The following TMEM132D variants were observed in gnomAD, a reference collection of about 807,000 sequenced individuals.
TMEM132D encodes the protein transmembrane protein 132D.
Under a neutral mutation model 62.3 loss-of-function variants are expected in TMEM132D, and 21 were observed. The observed-to-expected ratio is 0.34, with a 90% CI of 0.24 to 0.49. The LOEUF is 0.49. Among genes scored for constraint, TMEM132D ranks in the 20% least tolerant of loss-of-function variants. TMEM132D has a pLI of 0.99. For synonymous variants in TMEM132D, 621 were observed against 575.6 expected (o/e 1.08, Z -1.13); for missense variants, 1,346 against 1,402.8 (o/e 0.96, Z 0.65).
chr12:129,146,594 A>G (rs1876905798), intron 5 of TMEM132D, among the ~76,000 whole-genome samples: 1 of 152,146 alleles, frequency 6.6e-6, no homozygotes, highest in African/African-American at 2.4e-5. Flanking sequence ...CTGGTCACAC[A>G]TTACCTGTCC....
chr12:129,285,535 A>AAAAAAAAAAAAAAAAAG (rs1422701554), intron 4 of TMEM132D, among the ~76,000 whole-genome samples: 3 of 128,964 alleles, frequency 2.3e-5, no homozygotes, highest in Non-Finnish European at 5.1e-5. Flanking sequence ...TCAAAAAAAA[A>AAAAAAAAAAAAAAAAAG]AAAAAGAGAG....
intron 3 of TMEM132D, among the ~76,000 whole-genome samples, chr12:129,442,867 G>A (rs575505280): frequency 2.0e-5 from 3 of 152,236 alleles, no homozygotes; most frequent in South Asian, 4.2e-4. Context: ...TGTTTTGGAC[G>A]CCATGGTGTG....
chr12:129,099,136 A>G (rs1443865738), intron 5 of TMEM132D, among the ~76,000 whole-genome samples: 1 of 152,154 alleles, frequency 6.6e-6, no homozygotes, highest in Non-Finnish European at 1.5e-5. Context: ...GCCACTGCCC[A>G]TTCCTCAAGC....
intron 2 of TMEM132D, among the ~76,000 whole-genome samples, chr12:129,545,436 T>C (rs1414074153): frequency 1.3e-5 from 2 of 152,176 alleles, no homozygotes; most frequent in African/African-American, 2.4e-5. Context: ...TCTTTTATTA[T>C]ATTTTTAATA....
At chr12:129,593,966 CT>C (rs1242894289) in intron 2 of TMEM132D, among the ~76,000 whole-genome samples, 1 of 152,182 alleles carries the variant, frequency 6.6e-6, no homozygotes, top group African/African-American at 2.4e-5. Context: ...AGGCAACCCC[CT>C]GTTATGTATC....
At chr12:129,665,416 A>C (rs1880352712) in intron 2 of TMEM132D, among the ~76,000 whole-genome samples, 2 of 152,154 alleles carry the variant, frequency 1.3e-5, no homozygotes, top group African/African-American at 2.4e-5. Flanking sequence ...GTGGGAGAAT[A>C]GCAGGAAATG....
chr12:129,762,879 C>T (rs1870429700), intron 1 of TMEM132D, among the ~76,000 whole-genome samples: 1 of 152,166 alleles, frequency 6.6e-6, no homozygotes, highest in Non-Finnish European at 1.5e-5. Context: ...GGGTGGAAAG[C>T]AGCTATTGAA....
At chr12:129,543,257 G>GGGTC (rs1876635082) in intron 2 of TMEM132D, among the ~76,000 whole-genome samples, 2 of 123,126 alleles carry the variant, frequency 1.6e-5, no homozygotes, top group African/African-American at 6.2e-5. Context: ...GTGGGTGGGT[G>GGGTC]GATGGATGGA....
intron 1 of TMEM132D, among the ~76,000 whole-genome samples, chr12:129,729,345 C>G (rs1370528096): frequency 6.6e-6 from 1 of 152,098 alleles, no homozygotes; most frequent in Non-Finnish European, 1.5e-5. Context: ...CATTTTTGAC[C>G]AGATAATTAT....
At chr12:129,247,729 T>C (rs1880158643) in intron 4 of TMEM132D, among the ~76,000 whole-genome samples, 1 of 152,096 alleles carries the variant, frequency 6.6e-6, no homozygotes, top group Non-Finnish European at 1.5e-5. Context: ...AATAGGGGGG[T>C]GCCCCCTCAC....
At chr12:129,303,083 T>C (rs1881763382) in intron 4 of TMEM132D, among the ~76,000 whole-genome samples, 2 of 152,150 alleles carry the variant, frequency 1.3e-5, no homozygotes. Flanking sequence ...GATGGCTCCA[T>C]AGCCAACACA....
chr12:129,338,426 C>T (rs756821861), intron 3 of TMEM132D, among the ~76,000 whole-genome samples: 20 of 152,132 alleles, frequency 1.3e-4, no homozygotes, highest in African/African-American at 2.7e-4. Context: ...TTTCTAGACC[C>T]TCAATTTTCC....
At chr12:129,159,286 G>C (rs1168113319) in intron 5 of TMEM132D, among the ~76,000 whole-genome samples, 1 of 152,162 alleles carries the variant, frequency 6.6e-6, no homozygotes, top group Non-Finnish European at 1.5e-5. Flanking sequence ...GACCACATGA[G>C]TGCAAGTGAT....
At chr12:129,367,593 T>C (rs1055844901) in intron 3 of TMEM132D, among the ~76,000 whole-genome samples, 9 of 151,948 alleles carry the variant, frequency 5.9e-5, no homozygotes, top group African/African-American at 2.2e-4. Flanking sequence ...CAAGGTCAAA[T>C]GGATGGAGTT....
intron 3 of TMEM132D, among the ~76,000 whole-genome samples, chr12:129,435,832 A>G (rs1872771927): frequency 6.6e-6 from 1 of 152,208 alleles, no homozygotes; most frequent in Non-Finnish European, 1.5e-5. Context: ...AGACTACAAT[A>G]TGATTATCAA....
chr12:129,563,263 C>G (rs949552850), intron 2 of TMEM132D, among the ~76,000 whole-genome samples: 4 of 152,132 alleles, frequency 2.6e-5, no homozygotes, highest in Non-Finnish European at 5.9e-5. Flanking sequence ...TTTCATAAAA[C>G]CTTCAAGATC....
At chr12:129,378,436 C>T (rs566949786) in intron 3 of TMEM132D, among the ~76,000 whole-genome samples, 1 of 152,344 alleles carries the variant, frequency 6.6e-6, no homozygotes, top group South Asian at 2.1e-4. Context: ...GAAATGCAGA[C>T]ACTTTTAAAG....
chr12:129,638,024 G>A (rs1218665509), intron 2 of TMEM132D, among the ~76,000 whole-genome samples: 2 of 152,116 alleles, frequency 1.3e-5, no homozygotes, highest in South Asian at 2.1e-4. Context: ...GGACAGAGCA[G>A]GTATTGAGCT....
Position 129,697,789 on chromosome 12 carries a change from C to T in TMEM132D, c.968+2021G>A, listed in dbSNP as rs1216494475. 2.0e-5 allele frequency among the ~76,000 whole-genome samples: 3 copies of T among 152,140 alleles called. No homozygotes were observed. The East Asian group carries it at 5.8e-4, about 29-fold the overall frequency. ...TAGTGAATTTCTCTTGGTTTTGTTA[C>T]AGACTGCCAAAGATAAAAGCCACCC... On this transcript the variant is annotated intron_variant, in intron 2 of 8. Coordinates refer to ENST00000422113, the MANE Select transcript of TMEM132D (RefSeq NM_133448.3).
Sources: allele counts gnomAD v4.1 joint callset (sites outside exome capture counted in the v4.1 genomes callset), GRCh38; gene constraint gnomAD v4.1.1; transcripts MANE v1.5; gene names NCBI Gene and HGNC (gene_info 2026-07-23, HGNC 2026-07-21).